Variants in HGF observed in about 807,000 individuals in gnomAD.
HGF encodes hepatocyte growth factor.
HGF carries 39 observed loss-of-function variants against 111.6 expected under a neutral mutation model. The ratio of observed to expected loss-of-function variants is 0.35; its 90% CI spans 0.27 to 0.46. The LOEUF (loss-of-function observed/expected upper bound fraction) is 0.46. HGF is among the 20% of genes least tolerant of loss of function. HGF has a pLI of 1.00. For missense variants in HGF, 735 were observed against 910.5 expected (o/e 0.81, Z 2.48); for synonymous variants, 285 against 294.8 (o/e 0.97, Z 0.34).
At chr7:81,732,788 A>T (rs1432198071) in intron 7 of HGF, among the ~76,000 whole-genome samples, 1 of 152,192 alleles carries the variant, frequency 6.6e-6, no homozygotes, top group African/African-American at 2.4e-5. Flanking sequence ...GGCTAAACAT[A>T]TTCCTAATTT....
chr7:81,727,097 G>T (rs1450192147), intron 8 of HGF, among the ~76,000 whole-genome samples: 1 of 150,286 alleles, frequency 6.7e-6, no homozygotes, highest in African/African-American at 2.5e-5. Flanking sequence ...CTGGAGTGCA[G>T]TGGCGTGATA....
At chr7:81,725,597 G>C (rs571097245) in intron 9 of HGF, among the ~76,000 whole-genome samples, 7 of 151,844 alleles carry the variant, frequency 4.6e-5, no homozygotes, top group Non-Finnish European at 8.8e-5. Flanking sequence ...TTTTTATTTT[G>C]CTTATTTTCT....
intron 7 of HGF, among the ~76,000 whole-genome samples, chr7:81,739,190 G>T (rs372355607): frequency 1.4e-4 from 22 of 152,044 alleles, no homozygotes; most frequent in African/African-American, 5.3e-4. Flanking sequence ...TAACCAATTT[G>T]TCATTATATA....
intron 1 of HGF, among the ~76,000 whole-genome samples, chr7:81,765,661 C>T (rs926532560): frequency 1.3e-5 from 2 of 152,040 alleles, no homozygotes; most frequent in Non-Finnish European, 2.9e-5. Context: ...ATCATGTAAT[C>T]CACACATCTA....
intron 11 of HGF, among the ~76,000 whole-genome samples, chr7:81,716,570 T>A (rs1789717699): frequency 6.6e-6 from 1 of 152,192 alleles, no homozygotes; most frequent in Non-Finnish European, 1.5e-5. Context: ...TATTTTCTAC[T>A]TTTTTCTCCT....
At chr7:81,747,317 C>T (rs567980016) in intron 5 of HGF, among the ~76,000 whole-genome samples, 13 of 152,070 alleles carry the variant, frequency 8.5e-5, no homozygotes, top group East Asian at 7.8e-4. Flanking sequence ...CCAGCCTGGG[C>T]GACAGAGCGA....
chr7:81,719,923 A>G (rs1789809513), intron 10 of HGF, among the ~76,000 whole-genome samples: 1 of 152,186 alleles, frequency 6.6e-6, no homozygotes, highest in Non-Finnish European at 1.5e-5. Flanking sequence ...GTCAAATGGC[A>G]TAACTCATGT....
intron 7 of HGF, among the ~76,000 whole-genome samples, chr7:81,742,064 T>C (rs17155423): frequency 0.021 from 3,155 of 151,862 alleles, 111 homozygotes; most frequent in African/African-American, 0.071. Flanking sequence ...CTAATACAAT[T>C]TAAAAAGCAA....
intron 4 of HGF, among the ~76,000 whole-genome samples, chr7:81,753,083 G>A (rs1344562570): frequency 6.6e-6 from 1 of 152,060 alleles, no homozygotes; most frequent in Admixed American, 6.6e-5. Context: ...AGTGATCCCA[G>A]TTTTGGTTTA....
intron 7 of HGF, among the ~76,000 whole-genome samples, chr7:81,738,521 T>C (rs1280192599): frequency 1.3e-5 from 2 of 152,208 alleles, no homozygotes; most frequent in East Asian, 3.9e-4. Flanking sequence ...GTGAAGGAAG[T>C]CTGAAAAGGC....
At chr7:81,707,442 C>T in intron 13 of HGF, 78 bp from the exon 14 acceptor site, 1 of 831,862 alleles carries the variant, frequency 1.2e-6, no homozygotes, top group Non-Finnish European at 2.1e-6. Flanking sequence ...GCCTGTGGCT[C>T]CATTTGTTAA....
intron 17 of HGF, 144 bp from the exon 18 acceptor site, chr7:81,702,901 T>C (rs1789321166): frequency 1.4e-6 from 1 of 713,464 alleles, no homozygotes; most frequent in Non-Finnish European, 2.4e-6. Context: ...TAAAAATTAG[T>C]GTACTAGACA....
rs1789279952 is a variant in HGF, at chr7:81,701,579, C to G, written c.*1002G>C. On this transcript the variant is annotated 3_prime_UTR_variant, in exon 18 of 18. Transcript: ENST00000222390. Reference sequence around the variant, plus strand: ...AAGTACATTTTTAATGACCAAAACACTTTTAAACTTCTTCAATTAGATACT... The same window carrying G: ...AAGTACATTTTTAATGACCAAAACAGTTTTAAACTTCTTCAATTAGATACT... The G allele has an allele frequency of 6.6e-6, 1 of 151,414 alleles. No individual in the cohort carries two copies. The highest frequency in any genetic ancestry group is 2.1e-4 in the South Asian group (1 of 4,826). The allele number at this position is 151,414 out of a possible 1,614,324, so 9.4% of individuals were successfully genotyped here.
At chr7:81,762,406 C>T (rs1789130887) in intron 2 of HGF, among the ~76,000 whole-genome samples, 1 of 152,152 alleles carries the variant, frequency 6.6e-6, no homozygotes, top group African/African-American at 2.4e-5. Flanking sequence ...TATTTTAAAA[C>T]CCAAAGCCAA....
intron 15 of HGF, 90 bp downstream of exon 15, chr7:81,706,197 T>TGA (rs1789421526): frequency 8.9e-7 from 1 of 1,120,318 alleles, no homozygotes; most frequent in South Asian, 1.2e-5. Context: ...TGCATCTGTA[T>TGA]GAGAGAGAAC....
intron 7 of HGF, among the ~76,000 whole-genome samples, chr7:81,741,725 G>A (rs1321731203): frequency 6.6e-6 from 1 of 151,756 alleles, no homozygotes; most frequent in Non-Finnish European, 1.5e-5. Context: ...GATCACCTGA[G>A]GTCGGGAGTT....
In HGF at chr7:81,710,222, T is replaced by C. The variant is rs371520373; in HGVS notation, c.1466A>G (p.Lys489Arg). Residue 489 changes from lysine (K) to arginine (R), a missense_variant, in exon 13 of 18, where the codon AAA becomes AGA. Lys to Arg is a conservative substitution (Grantham distance 26). Coordinates refer to ENST00000222390, the MANE Select transcript of HGF (RefSeq NM_000601.6). Reference sequence around the variant, plus strand: ...ATTTACAACTCGCAATTGTTTCGTTTTGGCACAAGATATTACGGGATCTGA... The same window carrying C: ...ATTTACAACTCGCAATTGTTTCGTTCTGGCACAAGATATTACGGGATCTGA... ...NLDHPVISCA[K>R]TKQLRVVNGI... is the part of the protein sequence containing the mutation. 1.9e-6 allele frequency: 3 copies of C among 1,613,154 alleles called. No individual in the cohort carries two copies. Among genetic ancestry groups the C allele is most frequent in the Non-Finnish European group, 1.7e-6 (2 of 1,179,288 alleles).
chr7:81,750,886 A>C (rs914717426), intron 5 of HGF: 1 of 798,790 alleles, frequency 1.3e-6, no homozygotes, highest in African/African-American at 1.9e-5. Context: ...TACAAAACAG[A>C]CTTGTTCAAA....
intron 4 of HGF, among the ~76,000 whole-genome samples, chr7:81,753,823 C>G (rs995592024): frequency 6.6e-6 from 1 of 151,886 alleles, no homozygotes; most frequent in African/African-American, 2.4e-5. Flanking sequence ...GGTTGTCAGA[C>G]CGTATGACTG....
Sources: allele counts gnomAD v4.1 joint callset (sites outside exome capture counted in the v4.1 genomes callset), GRCh38; gene constraint gnomAD v4.1.1; transcripts MANE v1.5; gene names NCBI Gene and HGNC (gene_info 2026-07-23, HGNC 2026-07-21).